Variants in MZT2B observed in about 807,000 individuals in gnomAD.
MZT2B encodes mitotic-spindle organizing protein 2B.
MZT2B carries 11 observed loss-of-function variants against 12.1 expected under a neutral mutation model. The ratio of observed to expected loss-of-function variants is 0.91; its 90% CI spans 0.57 to 1.50. The LOEUF (loss-of-function observed/expected upper bound fraction) is 1.50. Ranked by LOEUF, MZT2B falls within the 40% of genes most tolerant of loss-of-function variation. MZT2B has a pLI of 0.00. For synonymous variants in MZT2B, 85 were observed against 109.5 expected, an observed-to-expected ratio of 0.78 and a Z score of 1.40; for missense variants, 209 against 227.7, an observed-to-expected ratio of 0.92 and a Z score of 0.53.
At chr2:130,183,058 C>A (rs1689846011) in intron 2 of MZT2B, 3 of 558,156 alleles carry the variant, frequency 5.4e-6, no homozygotes, top group Non-Finnish European at 9.3e-6. Context: ...AGGCCTTCAT[C>A]CTACAACGTC....
In MZT2B at chr2:130,183,713, CG is replaced by C. The variant is rs1558776362; in HGVS notation, c.319+941del. ...CCACACCCGCTGACCCAAGAGGGCCCGGGCACCTGCGTGCTGGCCTCTTCAC... is the reference window on the plus strand; with the variant it reads ...CCACACCCGCTGACCCAAGAGGGCCCGGCACCTGCGTGCTGGCCTCTTCAC... On this transcript the variant is annotated intron_variant, in intron 2 of 2. Coordinates refer to ENST00000281871, the MANE Select transcript of MZT2B (RefSeq NM_025029.5). The C allele has an allele frequency of 3.9e-6, 6 of 1,550,314 alleles. No homozygotes were observed. The East Asian group carries it at 1.5e-4, about 38-fold the overall frequency.
chr2:130,194,726 A>C (rs1690361998), downstream of MZT2B, among the ~76,000 whole-genome samples: 1 of 152,158 alleles, frequency 6.6e-6, no homozygotes, highest in South Asian at 2.1e-4. Flanking sequence ...TGCCCAGGTT[A>C]GAGTGCAGTG....
chr2:130,201,769 A>G, the MZT2B span, among the ~76,000 whole-genome samples: 10 of 152,330 alleles, frequency 6.6e-5, no homozygotes, highest in South Asian at 2.1e-3. Flanking sequence ...AGAACATCAC[A>G]GAGTGTTCTT....
downstream of MZT2B, chr2:130,191,778 C>A (rs143269025): frequency 6.4e-7 from 1 of 1,572,338 alleles, no homozygotes; most frequent in East Asian, 2.2e-5. Context: ...TTGCAAACAA[C>A]TTGAAAGCAG....
the MZT2B span, among the ~76,000 whole-genome samples, chr2:130,202,780 G>C: frequency 6.6e-6 from 1 of 152,158 alleles, no homozygotes; most frequent in African/African-American, 2.4e-5. Context: ...AATGAGGAAC[G>C]ATGTCCAGAG....
chr2:130,183,748 G>A (rs776304982), intron 2 of MZT2B: 181 of 1,550,398 alleles, frequency 1.2e-4, no homozygotes, highest in Non-Finnish European at 1.4e-4. Flanking sequence ...ACTGACCTTC[G>A]CTCTGTCTGC....
the MZT2B span, among the ~76,000 whole-genome samples, chr2:130,200,634 GT>G: frequency 1.3e-5 from 2 of 152,182 alleles, no homozygotes; most frequent in African/African-American, 2.4e-5. Context: ...TATTTCTTTG[GT>G]GAGAGGGAGT....
At chr2:130,195,516 T>G (rs1690383237), downstream of MZT2B, among the ~76,000 whole-genome samples, 1 of 152,244 alleles carries the variant, frequency 6.6e-6, no homozygotes, top group Non-Finnish European at 1.5e-5. Flanking sequence ...AGGTACATAA[T>G]TCTTTCCTAC....
intron 2 of MZT2B, among the ~76,000 whole-genome samples, chr2:130,190,263 C>A (rs1053238079): frequency 9.2e-5 from 14 of 152,174 alleles, no homozygotes; most frequent in Non-Finnish European, 5.9e-5. Flanking sequence ...CAAAAGGGTC[C>A]CCTGCACACT....
At chr2:130,185,026 A>C in intron 2 of MZT2B, 1 of 422,722 alleles carries the variant, frequency 2.4e-6, no homozygotes, top group Non-Finnish European at 3.2e-6. Context: ...CTAGCCAGGC[A>C]GGGCTGGGCG....
intron 2 of MZT2B, chr2:130,183,292 C>T (rs1160117543): frequency 3.6e-6 from 1 of 276,562 alleles, no homozygotes; most frequent in Non-Finnish European, 7.1e-6. Context: ...GTCTTCCTGC[C>T]TTTACCCCAC....
chr2:130,200,261 G>A, the MZT2B span, among the ~76,000 whole-genome samples: 1 of 151,832 alleles, frequency 6.6e-6, no homozygotes, highest in African/African-American at 2.4e-5. Flanking sequence ...CATGGCTGCA[G>A]GTGCCTGTAG....
chr2:130,186,263 G>A (rs555903400), intron 2 of MZT2B, among the ~76,000 whole-genome samples: 1 of 152,234 alleles, frequency 6.6e-6, no homozygotes, highest in South Asian at 2.1e-4. Flanking sequence ...AGCTGCAGCA[G>A]GCACCCTGGG....
At chr2:130,183,181 G>A in intron 2 of MZT2B, 1 of 315,918 alleles carries the variant, frequency 3.2e-6, no homozygotes, top group Non-Finnish European at 5.9e-6. Context: ...TGGGTGACAG[G>A]GTGAGATCCT....
chr2:130,184,147 G>A lies in MZT2B; in HGVS notation c.319+1372G>A, dbSNP rs1408783170. ...CTCGGTTTATTAGAGACATAGTGTGGCAGTCTCTAGACCCCACAGTCGGGC... is the reference window on the plus strand; with the variant it reads ...CTCGGTTTATTAGAGACATAGTGTGACAGTCTCTAGACCCCACAGTCGGGC... On this transcript the variant is annotated intron_variant, in intron 2 of 2. Coordinates refer to ENST00000281871, the MANE Select transcript of MZT2B (RefSeq NM_025029.5). 11 of 1,487,248 alleles carry A rather than the reference G, an allele frequency of 7.4e-6. No individual in the cohort carries two copies. In the South Asian group the frequency reaches 1.2e-4, roughly 16 times the overall value. 92.1% of individuals were successfully genotyped at this position (1,487,248 alleles called of 1,614,324 possible).
At chr2:130,189,347 C>T (rs189007697) in intron 2 of MZT2B, among the ~76,000 whole-genome samples, 9 of 152,266 alleles carry the variant, frequency 5.9e-5, no homozygotes, top group South Asian at 4.1e-4. Context: ...ACAACCTAAA[C>T]GTGTATCAGT....
At chr2:130,199,316 A>G in the MZT2B span, among the ~76,000 whole-genome samples, 1 of 121,628 alleles carries the variant, frequency 8.2e-6, no homozygotes, top group African/African-American at 2.9e-5. Flanking sequence ...AGGCCACGGC[A>G]GGAGGATTGC....
At chr2:130,181,699 C>T (rs1310513248), upstream of MZT2B, 4 of 1,548,488 alleles carry the variant, frequency 2.6e-6, no homozygotes, top group Non-Finnish European at 3.5e-6. Flanking sequence ...AAGCGAAGGC[C>T]GGCCGGGCGG....
Position 130,182,723 on chromosome 2 carries a change from C to T in MZT2B, c.267C>T (p.Pro89=). ...CCGGGCAGAGGCTAGCGAGCGAGCC[C>T]CAGGACCCTGCGGCCGTGTCTCTGC... ...MCAGQRLASE[P]QDPAAVSLPT... The change falls in exon 2 of 3, where the codon CCC becomes CCT. Residue 89 remains proline, a synonymous_variant. Coordinates refer to ENST00000281871, the MANE Select transcript of MZT2B (RefSeq NM_025029.5). 1 of 1,535,738 alleles carries T rather than the reference C, an allele frequency of 6.5e-7. No homozygotes were observed. The highest frequency in any genetic ancestry group is 8.8e-7 in the Non-Finnish European group (1 of 1,137,862).
Sources: allele counts gnomAD v4.1 joint callset (sites outside exome capture counted in the v4.1 genomes callset), GRCh38; gene constraint gnomAD v4.1.1; transcripts MANE v1.5; gene names NCBI Gene and HGNC (gene_info 2026-07-23, HGNC 2026-07-21).